Variants in CNTN6 observed in about 807,000 individuals in gnomAD.
The protein encoded by CNTN6 is contactin-6.
CNTN6 carries 137 observed loss-of-function variants against 122.8 expected under a neutral mutation model. The ratio of observed to expected loss-of-function variants is 1.12; its 90% CI spans 0.97 to 1.29. CNTN6 has a LOEUF of 1.29. CNTN6 is among the 50% of genes most tolerant of loss of function. CNTN6 has a pLI of 0.00. For synonymous variants in CNTN6, 570 were observed against 426.0 expected (o/e 1.34, Z -4.16); for missense variants, 1,634 against 1,223.4 (o/e 1.34, Z -5.01).
intron 4 of CNTN6, among the ~76,000 whole-genome samples, chr3:1,243,282 G>T (rs1356689514): frequency 1.3e-5 from 2 of 152,172 alleles, no homozygotes; most frequent in Non-Finnish European, 2.9e-5. Flanking sequence ...CAAGCTCCTG[G>T]GGAAGGAGGT....
chr3:1,120,124 T>C (rs2091894581), intron 1 of CNTN6, among the ~76,000 whole-genome samples: 1 of 146,618 alleles, frequency 6.8e-6, no homozygotes, highest in Non-Finnish European at 1.5e-5. Context: ...CACCTATTGA[T>C]GGATGTTTGG....
At chr3:1,126,976 G>C (rs1029156771) in intron 1 of CNTN6, among the ~76,000 whole-genome samples, 1 of 151,566 alleles carries the variant, frequency 6.6e-6, no homozygotes, top group Non-Finnish European at 1.5e-5. Flanking sequence ...GTTATATATA[G>C]ACATCTGCAT....
chr3:1,373,483 T>C, intron 14 of CNTN6, 121 bp from the exon 15 acceptor site: 1 of 869,110 alleles, frequency 1.2e-6, no homozygotes, highest in Non-Finnish European at 1.7e-6. Flanking sequence ...TAATGTGCTA[T>C]AAATACATTA....
intron 1 of CNTN6, among the ~76,000 whole-genome samples, chr3:1,098,765 C>T (rs1273983336): frequency 1.7e-5 from 1 of 59,784 alleles, no homozygotes; most frequent in Non-Finnish European, 2.6e-5. Context: ...TGCACACACA[C>T]ACACACACAC....
At chr3:1,178,302 G>C (rs2093489279) in intron 2 of CNTN6, among the ~76,000 whole-genome samples, 1 of 152,024 alleles carries the variant, frequency 6.6e-6, no homozygotes, top group Admixed American at 6.6e-5. Context: ...TTGTGTTTTA[G>C]TTTAGGAATT....
In CNTN6 at chr3:1,345,257, C is replaced by G. The variant is rs574876125; in HGVS notation, c.1365-7067C>G. Among the ~76,000 whole-genome samples, 23 of 152,040 alleles carry G rather than the reference C, an allele frequency of 1.5e-4. No homozygotes were observed. In the South Asian group the frequency reaches 4.2e-3, roughly 27 times the overall value. On this transcript the variant is annotated intron_variant, in intron 11 of 22. Transcript: ENST00000446702. ...TCAGCCTCCTGAGTAGCTGAAATTA[C>G]AGGCACGAACCACCATACCCGCTAA...
intron 20 of CNTN6, chr3:1,394,256 G>T: frequency 4.3e-6 from 1 of 233,188 alleles, no homozygotes; most frequent in South Asian, 4.8e-5. Context: ...CCAGGAACAA[G>T]ACAGCCAGGA....
At chr3:1,361,422 C>G (rs1707448977) in intron 12 of CNTN6, among the ~76,000 whole-genome samples, 1 of 152,058 alleles carries the variant, frequency 6.6e-6, no homozygotes, top group African/African-American at 2.4e-5. Context: ...AGCATTCCTA[C>G]TGATGTATAA....
chr3:1,138,498 T>C (rs2092536659), intron 1 of CNTN6, among the ~76,000 whole-genome samples: 1 of 152,136 alleles, frequency 6.6e-6, no homozygotes. Context: ...TTATTTACTG[T>C]TTTGGCCGAT....
At chr3:1,238,371 T>A (rs2094445889) in intron 4 of CNTN6, among the ~76,000 whole-genome samples, 1 of 152,162 alleles carries the variant, frequency 6.6e-6, no homozygotes, top group Non-Finnish European at 1.5e-5. Flanking sequence ...ATAAAAGGAT[T>A]AGTCCAACAG....
chr3:1,285,197 A>C (rs1694128941), intron 5 of CNTN6, among the ~76,000 whole-genome samples: 1 of 152,228 alleles, frequency 6.6e-6, no homozygotes, highest in African/African-American at 2.4e-5. Flanking sequence ...GTATGTATTT[A>C]TAAGGTATAA....
At chr3:1,285,768 C>G (rs1694224638) in intron 5 of CNTN6, among the ~76,000 whole-genome samples, 1 of 152,166 alleles carries the variant, frequency 6.6e-6, no homozygotes, top group African/African-American at 2.4e-5. Flanking sequence ...TTATTCCACT[C>G]CCTAATTTTC....
At chr3:1,328,408 C>T (rs1426795205) in intron 10 of CNTN6, among the ~76,000 whole-genome samples, 2 of 151,872 alleles carry the variant, frequency 1.3e-5, no homozygotes, top group East Asian at 3.9e-4. Context: ...AAGGATCAAA[C>T]AACAAGACAC....
intron 2 of CNTN6, among the ~76,000 whole-genome samples, chr3:1,162,551 T>A (rs1428842441): frequency 6.6e-6 from 1 of 152,246 alleles, no homozygotes; most frequent in African/African-American, 2.4e-5. Context: ...TTCTGTAACA[T>A]TGCTAAACTG....
intron 2 of CNTN6, among the ~76,000 whole-genome samples, chr3:1,208,025 A>C (rs2093981596): frequency 6.6e-6 from 1 of 152,036 alleles, no homozygotes; most frequent in African/African-American, 2.4e-5. Context: ...TACTCCAAAA[A>C]AGCTCTCACA....
intron 20 of CNTN6, among the ~76,000 whole-genome samples, chr3:1,387,849 C>T (rs1051809077): frequency 1.1e-4 from 15 of 142,528 alleles, no homozygotes; most frequent in Middle Eastern, 7.4e-3. Flanking sequence ...TTGCGCTTTT[C>T]GGACCAGCTT....
rs4684146 is a variant in CNTN6, at chr3:1,383,061, C to T, written c.2286C>T (p.Val762=). ...CATCTGTGGAATCATCAAGGTTTGT[C>T]TACAGAAATGAAAGCATCATCCCAC... ...KVSSVESSRF[V]YRNESIIPLS... The change falls in exon 18 of 23, where the codon GTC becomes GTT. Residue 762 remains valine, a synonymous_variant. Coordinates refer to ENST00000446702, the MANE Select transcript of CNTN6 (RefSeq NM_001289080.2). 290,958 of 1,613,798 alleles carry T rather than the reference C, an allele frequency of 0.18. 27,630 individuals are homozygous for T. The highest frequency in any genetic ancestry group is 0.23 in the African/African-American group (17,281 of 74,958).
At chr3:1,140,830 A>T (rs1298600504) in intron 1 of CNTN6, among the ~76,000 whole-genome samples, 1 of 152,342 alleles carries the variant, frequency 6.6e-6, no homozygotes, top group Admixed American at 6.5e-5. Flanking sequence ...TGCTTCTTCT[A>T]TGATCACATT....
At chr3:1,318,971 T>C (rs187624061) in intron 7 of CNTN6, among the ~76,000 whole-genome samples, 6 of 151,850 alleles carry the variant, frequency 4.0e-5, no homozygotes, top group African/African-American at 1.2e-4. Flanking sequence ...ATTACTCGTC[T>C]AAGAAAGGTG....
Sources: allele counts gnomAD v4.1 joint callset (sites outside exome capture counted in the v4.1 genomes callset), GRCh38; gene constraint gnomAD v4.1.1; transcripts MANE v1.5; gene names NCBI Gene and HGNC (gene_info 2026-07-23, HGNC 2026-07-21).